Variants in NRG1 observed in about 807,000 individuals in gnomAD.
The protein encoded by NRG1 is pro-neuregulin-1, membrane-bound isoform.
In NRG1, 18 loss-of-function variants were observed where a neutral mutation model predicts 63.8. The observed-to-expected ratio is 0.28, with a 90% confidence interval of 0.19 to 0.42. The LOEUF (loss-of-function observed/expected upper bound fraction) is 0.42, where lower values mean the gene tolerates loss of function less well. Among genes scored for constraint, NRG1 ranks in the 10% least tolerant of loss-of-function variants. The pLI is 1.00. For synonymous variants in NRG1, 302 were observed against 301.3 expected, an observed-to-expected ratio of 1.00 and a Z score of -0.02; for missense variants, 762 against 814.7, an observed-to-expected ratio of 0.94 and a Z score of 0.79.
At chr8:32,483,960 A>G (rs7821255) in intron 1 of NRG1, among the ~76,000 whole-genome samples, 96,567 of 151,818 alleles carry the variant, frequency 0.64, 30,979 homozygotes, top group East Asian at 0.79. Flanking sequence ...AAAATTAGCC[A>G]GGCGTGGTGT....
At chr8:32,326,995 A>G (rs1802098854) in intron 1 of NRG1, among the ~76,000 whole-genome samples, 1 of 152,208 alleles carries the variant, frequency 6.6e-6, no homozygotes, top group Admixed American at 6.5e-5. Flanking sequence ...ACCTCATCAA[A>G]GAGGTCTTGG....
At chr8:32,287,016 C>T in intron 1 of NRG1, 1 of 151,952 alleles carries the variant, frequency 6.6e-6, no homozygotes, top group South Asian at 2.1e-4. Context: ...CAAAACAAAA[C>T]AAAAAAAACC....
intron 1 of NRG1, among the ~76,000 whole-genome samples, chr8:31,707,445 T>G (rs770864095): frequency 1.2e-4 from 18 of 152,146 alleles, no homozygotes; most frequent in Non-Finnish European, 2.6e-4. Context: ...ATTGCTAAGC[T>G]GTTTTCCTAT....
intron 1 of NRG1, among the ~76,000 whole-genome samples, chr8:32,314,521 T>C (rs1432051623): frequency 6.6e-6 from 1 of 152,210 alleles, no homozygotes; most frequent in East Asian, 1.9e-4. Context: ...TACAAAGCTG[T>C]TCTGTAATAC....
intron 1 of NRG1, among the ~76,000 whole-genome samples, chr8:31,957,192 T>TTC (rs1804589862): frequency 6.8e-6 from 1 of 147,942 alleles, no homozygotes; most frequent in African/African-American, 2.5e-5. Flanking sequence ...ATCAAAGAGT[T>TTC]TTTTTTTTTT....
intron 1 of NRG1, among the ~76,000 whole-genome samples, chr8:32,140,399 G>A (rs1189292442): frequency 2.0e-5 from 3 of 151,532 alleles, no homozygotes; most frequent in African/African-American, 7.3e-5. Context: ...CTGTCTTCCT[G>A]TCATTCTTGG....
At chr8:31,886,056 G>A (rs980634232) in intron 1 of NRG1, among the ~76,000 whole-genome samples, 6 of 152,056 alleles carry the variant, frequency 3.9e-5, no homozygotes, top group Non-Finnish European at 8.8e-5. Flanking sequence ...GTAAGAATTA[G>A]TGAAGAGGGA....
At chr8:32,036,120 G>A (rs904240441) in intron 1 of NRG1, among the ~76,000 whole-genome samples, 1 of 152,172 alleles carries the variant, frequency 6.6e-6, no homozygotes, top group Non-Finnish European at 1.5e-5. Flanking sequence ...TTGCAAGGCA[G>A]GCCTGGTGGT....
chr8:31,972,500 G>A (rs746377440), intron 1 of NRG1, among the ~76,000 whole-genome samples: 17 of 152,030 alleles, frequency 1.1e-4, no homozygotes, highest in African/African-American at 1.2e-4. Context: ...TCTAAGGCTC[G>A]CTTACTATTT....
chr8:32,232,317 A>G (rs1468631594), intron 1 of NRG1, among the ~76,000 whole-genome samples: 4 of 152,202 alleles, frequency 2.6e-5, no homozygotes, highest in Non-Finnish European at 5.9e-5. Flanking sequence ...TTACAGCTCA[A>G]CAGAATTGCA....
chr8:32,530,644 TTTG>T (rs1006891192), intron 1 of NRG1, among the ~76,000 whole-genome samples: 67 of 152,330 alleles, frequency 4.4e-4, no homozygotes, highest in Admixed American at 4.6e-4. Context: ...CTATTCCACA[TTTG>T]TTTTTTTTGT....
intron 1 of NRG1, among the ~76,000 whole-genome samples, chr8:32,551,082 T>G (rs1834016617): frequency 6.6e-6 from 1 of 152,240 alleles, no homozygotes; most frequent in African/African-American, 2.4e-5. Flanking sequence ...TTTCTTTCCT[T>G]CTTTGTCATT....
intron 1 of NRG1, among the ~76,000 whole-genome samples, chr8:32,419,685 G>A (rs1816433670): frequency 6.6e-6 from 1 of 152,086 alleles, no homozygotes; most frequent in South Asian, 2.1e-4. Flanking sequence ...CATGTCACAT[G>A]TTTCTTTTGC....
chr8:31,815,209 A>C (rs1823320259), intron 1 of NRG1, among the ~76,000 whole-genome samples: 1 of 152,268 alleles, frequency 6.6e-6, no homozygotes, highest in Admixed American at 6.5e-5. Context: ...TACAAAACTG[A>C]AAAGTTGAAC....
At chr8:31,667,392 C>T (rs1243741430) in intron 1 of NRG1, among the ~76,000 whole-genome samples, 1 of 152,130 alleles carries the variant, frequency 6.6e-6, no homozygotes, top group Non-Finnish European at 1.5e-5. Context: ...CTAGTATATG[C>T]CAAGCACTGT....
At chr8:32,303,553 AGCACC>A (rs1447249539) in intron 1 of NRG1, among the ~76,000 whole-genome samples, 2 of 152,224 alleles carry the variant, frequency 1.3e-5, no homozygotes, top group Non-Finnish European at 2.9e-5. Context: ...TTAAAGTGCC[AGCACC>A]GTTAGCAAAA....
chr8:32,721,254 G>T (rs537470321), intron 5 of NRG1, among the ~76,000 whole-genome samples: 12 of 152,150 alleles, frequency 7.9e-5, no homozygotes, highest in Non-Finnish European at 2.9e-5. Flanking sequence ...ACTATAAAAT[G>T]TGCTAAGATC....
chr8:32,027,647 A>G (rs865851891), intron 1 of NRG1, among the ~76,000 whole-genome samples: 29 of 152,090 alleles, frequency 1.9e-4, no homozygotes, highest in South Asian at 6.2e-4. Context: ...ACAGTCTGAG[A>G]ACTGAATTTA....
At chr8:32,583,459 G>A (rs1675301744) in intron 1 of NRG1, among the ~76,000 whole-genome samples, 2 of 152,146 alleles carry the variant, frequency 1.3e-5, no homozygotes, top group South Asian at 2.1e-4. Flanking sequence ...GTAGAGTTCA[G>A]TAATTTAAAT....
Sources: allele counts gnomAD v4.1 joint callset (sites outside exome capture counted in the v4.1 genomes callset), GRCh38; gene constraint gnomAD v4.1.1; transcripts MANE v1.5; gene names NCBI Gene and HGNC (gene_info 2026-07-23, HGNC 2026-07-21).